Variants in UHRF2 observed in about 807,000 individuals in gnomAD.
UHRF2 encodes the protein E3 ubiquitin-protein ligase UHRF2.
UHRF2 carries 23 observed loss-of-function variants against 96.8 expected under a neutral mutation model. The observed-to-expected ratio is 0.24, with a 90% CI of 0.17 to 0.34. The LOEUF is 0.34. Among genes scored for constraint, UHRF2 ranks in the 10% least tolerant of loss-of-function variants. The pLI, the probability that UHRF2 is intolerant of heterozygous loss-of-function variation, is 1.00. For missense variants in UHRF2, 685 were observed against 981.5 expected (o/e 0.70, Z 4.04); for synonymous variants, 385 against 332.6 (o/e 1.16, Z -1.72).
chr9:6,492,876 C>T lies in UHRF2; in HGVS notation c.1498-950C>T, dbSNP rs539817588. On this transcript the variant is annotated intron_variant, in intron 9 of 15. Transcript: ENST00000276893. ...TTTTACATTTAGTAGATACTTTATA[C>T]TACTTTTAGATTTTTCAAATTTTTT... The T allele has an allele frequency of 1.1e-4, 10 of 93,304 alleles. No individual in the cohort carries two copies. The East Asian group carries it at 3.4e-3, about 32-fold the overall frequency. 5.8% of individuals were successfully genotyped at this position (93,304 alleles called of 1,614,324 possible).
chr9:6,463,380 A>G (rs1287406866), intron 4 of UHRF2, among the ~76,000 whole-genome samples: 1 of 152,220 alleles, frequency 6.6e-6, no homozygotes, highest in Non-Finnish European at 1.5e-5. Flanking sequence ...GTACAATAAA[A>G]TGTAAAGTAT....
In UHRF2 at chr9:6,475,622, A is replaced by T. The variant is rs1434066720; in HGVS notation, c.973+122A>T. On this transcript the variant is annotated intron_variant, in intron 5 of 15. Coordinates refer to ENST00000276893, the MANE Select transcript of UHRF2 (RefSeq NM_152896.3). ...CTGTAGACCATACAAATTTATTTTCAAGACAACAGTTTTGATCTAAGATTC... is the reference window on the plus strand; with the variant it reads ...CTGTAGACCATACAAATTTATTTTCTAGACAACAGTTTTGATCTAAGATTC... The T allele has an allele frequency of 9.2e-6, 4 of 433,206 alleles. No individual in the cohort carries two copies. The East Asian group carries it at 1.5e-4, about 16-fold the overall frequency. 26.8% of individuals were successfully genotyped at this position (433,206 alleles called of 1,614,324 possible).
In UHRF2 at chr9:6,487,991, A is replaced by C. The variant is rs568148515; in HGVS notation, c.1497+1066A>C. On this transcript the variant is annotated intron_variant, in intron 9 of 15. Transcript: ENST00000276893. The stretch of plus-strand genomic sequence containing the variant: ...TCCAGTGGCTCATGCCTGTAATCCC[A>C]GCACTTTGAGAGGCTGAAGTGGGTG... Among the ~76,000 whole-genome samples, 156 of 152,210 alleles carry C rather than the reference A, an allele frequency of 1.0e-3. 1 individual carries two copies. The highest frequency in any genetic ancestry group is 3.6e-3 in the African/African-American group (151 of 41,546).
intron 13 of UHRF2, among the ~76,000 whole-genome samples, 164 bp from the exon 14 acceptor site, chr9:6,500,388 A>G (rs1816224256): frequency 6.6e-6 from 1 of 152,226 alleles, no homozygotes; most frequent in Admixed American, 6.5e-5. Flanking sequence ...GTCAGAGCCA[A>G]ATAGCAGGAA....
At chr9:6,505,206 C>A (rs202043383) in intron 15 of UHRF2, among the ~76,000 whole-genome samples, 122 of 152,156 alleles carry the variant, frequency 8.0e-4, no homozygotes, top group Non-Finnish European at 1.5e-3. Flanking sequence ...GGAAACAAAT[C>A]TACATACGAG....
chr9:6,453,714 C>T (rs918440765), intron 3 of UHRF2, among the ~76,000 whole-genome samples: 2 of 152,114 alleles, frequency 1.3e-5, no homozygotes, highest in Admixed American at 6.6e-5. Context: ...ACCATCCTGG[C>T]TAACATGGTG....
At chr9:6,472,409 G>C (rs1823298727) in intron 4 of UHRF2, among the ~76,000 whole-genome samples, 1 of 152,220 alleles carries the variant, frequency 6.6e-6, no homozygotes, top group South Asian at 2.1e-4. Flanking sequence ...AAAAGCATTA[G>C]TCAAGTAAAG....
chr9:6,423,476 T>G (rs1820053847), intron 2 of UHRF2, among the ~76,000 whole-genome samples: 1 of 152,174 alleles, frequency 6.6e-6, no homozygotes. Flanking sequence ...GGCTGCTTAT[T>G]AAAAATATAT....
chr9:6,498,699 AT>A, intron 12 of UHRF2: 1 of 152,632 alleles, frequency 6.6e-6, no homozygotes, highest in Non-Finnish European at 1.5e-5. Flanking sequence ...GACTTCGTTG[AT>A]TTTGTGTGCA....
intron 3 of UHRF2, 25 bp from the exon 4 acceptor site, chr9:6,460,548 G>A: frequency 6.4e-7 from 1 of 1,565,466 alleles, no homozygotes. Flanking sequence ...GTAATCATAA[G>A]CCATATGGTT....
intron 9 of UHRF2, among the ~76,000 whole-genome samples, chr9:6,488,334 A>C (rs1824438219): frequency 7.4e-6 from 1 of 135,718 alleles, no homozygotes; most frequent in Non-Finnish European, 1.5e-5. Flanking sequence ...TGTGCCCTCT[A>C]CCCAGTTTCT....
chr9:6,458,748 C>G (rs1310048150), intron 3 of UHRF2, among the ~76,000 whole-genome samples: 1 of 152,176 alleles, frequency 6.6e-6, no homozygotes, highest in Non-Finnish European at 1.5e-5. Flanking sequence ...AATCATTCTA[C>G]TATAAAGACA....
intron 1 of UHRF2, 101 bp downstream of exon 1, chr9:6,413,744 G>T (rs915834225): frequency 7.8e-7 from 1 of 1,289,928 alleles, no homozygotes; most frequent in Admixed American, 4.2e-5. Context: ...CGCGCGCAGG[G>T]CTCACCTGGC....
chr9:6,419,614 A>T (rs1338540572), intron 1 of UHRF2, among the ~76,000 whole-genome samples: 1 of 152,266 alleles, frequency 6.6e-6, no homozygotes, highest in Admixed American at 6.5e-5. Context: ...CAACTTTGAA[A>T]ATTCACATTT....
intron 2 of UHRF2, among the ~76,000 whole-genome samples, chr9:6,425,515 G>A (rs1344660471): frequency 6.6e-6 from 1 of 152,082 alleles, no homozygotes; most frequent in Non-Finnish European, 1.5e-5. Context: ...AGCACTTTGG[G>A]AGGCTGAGGA....
chr9:6,493,450 A>G (rs985968707), intron 9 of UHRF2, among the ~76,000 whole-genome samples: 2 of 152,164 alleles, frequency 1.3e-5, no homozygotes, highest in Non-Finnish European at 2.9e-5. Context: ...TTGAAGTGGT[A>G]TTATCTATAA....
intron 2 of UHRF2, among the ~76,000 whole-genome samples, chr9:6,426,085 G>T (rs1420847116): frequency 6.6e-6 from 1 of 152,188 alleles, no homozygotes; most frequent in East Asian, 1.9e-4. Flanking sequence ...AGCAGTTTGG[G>T]TCAACTTAAA....
chr9:6,498,362 G>A (rs1337520127), intron 12 of UHRF2: 2 of 469,622 alleles, frequency 4.3e-6, no homozygotes, highest in Non-Finnish European at 6.9e-6. Flanking sequence ...CAAGGGTTGT[G>A]CTTGGGAAAA....
intron 2 of UHRF2, among the ~76,000 whole-genome samples, chr9:6,428,611 A>G (rs1282887342): frequency 2.4e-5 from 3 of 123,840 alleles, no homozygotes; most frequent in Non-Finnish European, 4.7e-5. Context: ...GTGCAGTGGC[A>G]TGATCATAGC....
Sources: gnomAD v4.1 joint callset for allele counts (sites outside exome capture counted in the v4.1 genomes callset) on GRCh38, gnomAD v4.1.1 for gene constraint, MANE v1.5 for transcripts, NCBI Gene and HGNC (gene_info 2026-07-23, HGNC 2026-07-21) for gene names.